Variants in HORMAD2 observed in about 807,000 individuals in gnomAD.
The protein encoded by HORMAD2 is HORMA domain containing 2.
Under a neutral mutation model 38.8 loss-of-function variants are expected in HORMAD2, and 45 were observed. That is an observed-to-expected ratio of 1.16 (90% CI 0.91 to 1.49). The LOEUF (loss-of-function observed/expected upper bound fraction) is 1.49. Ranked by LOEUF, HORMAD2 falls within the 40% of genes most tolerant of loss-of-function variation. The probability of loss-of-function intolerance (pLI) is 0.00; values close to 1 mark genes in which losing one functional copy is unlikely to be tolerated. For synonymous variants in HORMAD2, 126 were observed against 122.8 expected, an observed-to-expected ratio of 1.03 and a Z score of -0.17; for missense variants, 338 against 367.0, an observed-to-expected ratio of 0.92 and a Z score of 0.65.
intron 10 of HORMAD2, among the ~76,000 whole-genome samples, 198 bp downstream of exon 10, chr22:30,122,412 A>G (rs527725746): frequency 4.6e-5 from 7 of 152,372 alleles, no homozygotes; most frequent in South Asian, 2.1e-4. Context: ...GAAATTGTCC[A>G]TAACTAGGAG....
intron 1 of HORMAD2, among the ~76,000 whole-genome samples, chr22:30,089,161 A>C (rs146815158): frequency 6.6e-6 from 1 of 152,284 alleles, no homozygotes; most frequent in Non-Finnish European, 1.5e-5. Context: ...CTCTTGGGAA[A>C]AATCTTCAAG....
In HORMAD2 at chr22:30,122,014, C is replaced by G. The variant is rs1274174724; in HGVS notation, c.619C>G (p.His207Asp). 6.2e-7 allele frequency: 1 copy of G among 1,612,850 alleles called. No homozygotes were observed. Among genetic ancestry groups the G allele is most frequent in the Non-Finnish European group, 8.5e-7 (1 of 1,179,372 alleles). ...CGGTTTTAAAGAAGGGGTAAATTCA[C>G]ACTTCCTGCTGTTTGACAAGGAGCC... ...PLGFKEGVNS[H>D]FLLFDKEPIN... The change falls in exon 10 of 11, where the codon CAC (histidine) becomes GAC (aspartate). Residue 207 changes from histidine (H) to aspartate (D), a missense_variant. Coordinates refer to ENST00000336726, the MANE Select transcript of HORMAD2 (RefSeq NM_152510.4).
intron 10 of HORMAD2, among the ~76,000 whole-genome samples, chr22:30,157,960 T>C (rs1344775576): frequency 6.6e-6 from 1 of 152,206 alleles, no homozygotes; most frequent in Non-Finnish European, 1.5e-5. Flanking sequence ...CCAGATATTA[T>C]ATCAAACATT....
chr22:30,194,086 A>C, the HORMAD2 span, among the ~76,000 whole-genome samples: 7 of 152,216 alleles, frequency 4.6e-5, no homozygotes, highest in Non-Finnish European at 1.0e-4. Flanking sequence ...CAAGATGGTT[A>C]CTTGAGAGAA....
intron 10 of HORMAD2, among the ~76,000 whole-genome samples, chr22:30,131,759 A>G (rs1251029663): frequency 6.6e-6 from 1 of 152,182 alleles, no homozygotes; most frequent in African/African-American, 2.4e-5. Context: ...GGATTTCTGC[A>G]TCTTATTTCA....
upstream of HORMAD2, among the ~76,000 whole-genome samples, chr22:30,078,607 CAAAAAAAAAAA>C (rs55966787): frequency 2.2e-3 from 63 of 28,102 alleles, 2 homozygotes; most frequent in South Asian, 0.02. Flanking sequence ...CTCTGTCTCA[CAAAAAAAAAAA>C]AAAAAAAAAA....
At chr22:30,186,175 A>G in the HORMAD2 span, among the ~76,000 whole-genome samples, 1 of 152,202 alleles carries the variant, frequency 6.6e-6, no homozygotes, top group South Asian at 2.1e-4. Context: ...TTCACATTTA[A>G]TCATGAATAA....
intron 3 of HORMAD2, among the ~76,000 whole-genome samples, chr22:30,099,966 G>A (rs1270462746): frequency 6.6e-6 from 1 of 152,064 alleles, no homozygotes; most frequent in Non-Finnish European, 1.5e-5. Context: ...AATCTTATTT[G>A]TTTAAAAAGC....
intron 10 of HORMAD2, among the ~76,000 whole-genome samples, chr22:30,160,583 C>G (rs1212638726): frequency 6.6e-6 from 1 of 152,116 alleles, no homozygotes; most frequent in East Asian, 1.9e-4. Flanking sequence ...AAACTAGTAA[C>G]AGTGATTGTC....
In HORMAD2 at chr22:30,098,714, G is replaced by A. The variant is rs369133019; in HGVS notation, c.52-138G>A. The A allele has an allele frequency of 1.1e-4, 67 of 624,814 alleles. No homozygotes were observed. The South Asian group carries it at 1.8e-3, about 17-fold the overall frequency. 38.7% of individuals were successfully genotyped at this position (624,814 alleles called of 1,614,324 possible). On this transcript the variant is annotated intron_variant, in intron 2 of 10. Transcript: ENST00000336726. Reference sequence around the variant, plus strand: ...TCTAATTTAATGTAATATTCAAAGCGCTATTTCTTTTTGATTACCTTCAAA... The same window carrying A: ...TCTAATTTAATGTAATATTCAAAGCACTATTTCTTTTTGATTACCTTCAAA...
chr22:30,138,201 A>G (rs537466167), intron 10 of HORMAD2, among the ~76,000 whole-genome samples: 1 of 150,156 alleles, frequency 6.7e-6, no homozygotes, highest in Non-Finnish European at 1.5e-5. Context: ...TTATCCATTT[A>G]TATATATTCC....
chr22:30,154,391 C>T (rs737901), intron 10 of HORMAD2, among the ~76,000 whole-genome samples: 11,903 of 152,142 alleles, frequency 0.078, 544 homozygotes, highest in African/African-American at 0.093. Flanking sequence ...ATTTTCTGAG[C>T]CATTTGCTTT....
chr22:30,104,634 T>C, intron 5 of HORMAD2, 197 bp downstream of exon 5: 1 of 460,888 alleles, frequency 2.2e-6, no homozygotes. Context: ...AAACTCATTT[T>C]TTCTCTTTTA....
chr22:30,192,025 A>G, the HORMAD2 span: 29 of 152,370 alleles, frequency 1.9e-4, no homozygotes, highest in East Asian at 3.1e-3. Context: ...ACACTAGAAG[A>G]CCACATCATC....
chr22:30,092,671 T>C (rs1479458387), intron 1 of HORMAD2, among the ~76,000 whole-genome samples: 1 of 152,182 alleles, frequency 6.6e-6, no homozygotes, highest in Non-Finnish European at 1.5e-5. Context: ...TTTTTGTATA[T>C]GGTGAGAGAC....
the HORMAD2 span, among the ~76,000 whole-genome samples, chr22:30,202,275 GC>G: frequency 6.6e-6 from 1 of 152,144 alleles, no homozygotes; most frequent in African/African-American, 2.4e-5. Flanking sequence ...GTCCAGGCAG[GC>G]TGGGTTGGCA....
intron 10 of HORMAD2, among the ~76,000 whole-genome samples, chr22:30,127,159 C>T (rs1262993070): frequency 3.4e-5 from 5 of 146,146 alleles, no homozygotes; most frequent in South Asian, 4.3e-4. Context: ...TTCAACCTTA[C>T]GAGTTGTTTT....
chr22:30,124,049 A>G (rs1209682459), intron 10 of HORMAD2, among the ~76,000 whole-genome samples: 1 of 151,860 alleles, frequency 6.6e-6, no homozygotes, highest in Non-Finnish European at 1.5e-5. Flanking sequence ...TTCAACTAAT[A>G]GATTAAATAA....
At chr22:30,140,424 T>C (rs987926670) in intron 10 of HORMAD2, among the ~76,000 whole-genome samples, 1 of 152,196 alleles carries the variant, frequency 6.6e-6, no homozygotes, top group Non-Finnish European at 1.5e-5. Flanking sequence ...GGGCTTTTCT[T>C]TTTGTGGATA....
Sources: gnomAD v4.1 joint callset for allele counts (sites outside exome capture counted in the v4.1 genomes callset) on GRCh38, gnomAD v4.1.1 for gene constraint, MANE v1.5 for transcripts, NCBI Gene and HGNC (gene_info 2026-07-23, HGNC 2026-07-21) for gene names.